ELL: variants seen among roughly 807,000 people sequenced by gnomAD.
ELL encodes elongation factor for RNA polymerase II.
ELL carries 18 observed loss-of-function variants against 64.0 expected under a neutral mutation model. The observed-to-expected ratio is 0.28, with a 90% CI of 0.19 to 0.42. The LOEUF is 0.42. Ranked by LOEUF, ELL falls within the 10% of genes least tolerant of loss-of-function variation. The pLI is 1.00. For missense variants in ELL, 797 were observed against 870.4 expected, an observed-to-expected ratio of 0.92 and a Z score of 1.06; for synonymous variants, 399 against 376.2, an observed-to-expected ratio of 1.06 and a Z score of -0.70.
intron 8 of ELL, among the ~76,000 whole-genome samples, chr19:18,447,594 G>T (rs1442015820): frequency 1.3e-5 from 2 of 152,246 alleles, no homozygotes; most frequent in Non-Finnish European, 2.9e-5. Flanking sequence ...GAGCCATGTG[G>T]TGGGGTGCCC....
At chr19:18,468,564 G>A (rs1404874463) in intron 2 of ELL, among the ~76,000 whole-genome samples, 1 of 152,242 alleles carries the variant, frequency 6.6e-6, no homozygotes, top group Non-Finnish European at 1.5e-5. Context: ...GCCAGCCAGG[G>A]AAGCTGGGGA....
Position 18,501,975 on chromosome 19 carries a change from G to A in ELL, c.135+19946C>T, listed in dbSNP as rs1975787300. Among the ~76,000 whole-genome samples the A allele has an allele frequency of 6.6e-6, 1 of 152,160 alleles. No individual in the cohort carries two copies. Among genetic ancestry groups the A allele is most frequent in the African/African-American group, 2.4e-5 (1 of 41,430 alleles). On this transcript the variant is annotated intron_variant, in intron 1 of 11. Coordinates refer to ENST00000262809, the MANE Select transcript of ELL (RefSeq NM_006532.4). The surrounding 1 kb of genome is among the most constrained non-coding windows in gnomAD (Gnocchi z 4.5). The stretch of plus-strand genomic sequence containing the variant: ...GCAGGTCCTGGGGCCTCATGAGGGT[G>A]GTTTGGGGTCAGAAGACACACGATC...
At chr19:18,477,530 A>C (rs1165099776) in intron 1 of ELL, among the ~76,000 whole-genome samples, 1 of 152,190 alleles carries the variant, frequency 6.6e-6, no homozygotes, top group Non-Finnish European at 1.5e-5. Context: ...CATCATGAGC[A>C]AATCAGCACA....
rs563546343 is a variant in ELL at position 18,454,840 on chromosome 19, CAAAAA to C, written c.870-3197_870-3193del. ...TGGGCAACAGAGTGAGACTCAGTCT[CAAAAA>C]AAAAAAAAAAAAAGGCATCCTGGCT... On this transcript the variant is annotated intron_variant, in intron 6 of 11. Coordinates refer to ENST00000262809, the MANE Select transcript of ELL (RefSeq NM_006532.4). Among the ~76,000 whole-genome samples the C allele has an allele frequency of 1.3e-3, 71 of 56,516 alleles. No individual in the cohort carries two copies. In the East Asian group the frequency reaches 0.031, roughly 24 times the overall value. 37.1% of individuals were successfully genotyped at this position (56,516 alleles called of 152,430 possible).
At chr19:18,480,085 C>T (rs1376993119) in intron 1 of ELL, among the ~76,000 whole-genome samples, 2 of 152,164 alleles carry the variant, frequency 1.3e-5, no homozygotes, top group African/African-American at 4.8e-5. Context: ...GCTGACTCTC[C>T]CAAGCACCAG....
At chr19:18,491,089 G>A (rs998359999) in intron 1 of ELL, among the ~76,000 whole-genome samples, 2 of 151,906 alleles carry the variant, frequency 1.3e-5, no homozygotes, top group African/African-American at 4.8e-5. Context: ...AGACTGTTTT[G>A]TTTTTTCCTT....
rs906541831 is a variant in ELL, at chr19:18,444,475, C to T, written c.*277G>A. 7 of 416,066 alleles carry T rather than the reference C, an allele frequency of 1.7e-5. No homozygotes were observed. Among genetic ancestry groups the T allele is most frequent in the African/African-American group, 8.0e-5 (4 of 49,782 alleles). 25.8% of individuals were successfully genotyped at this position (416,066 alleles called of 1,614,324 possible). On this transcript the variant is annotated 3_prime_UTR_variant, in exon 12 of 12. Transcript: ENST00000262809. Reference sequence around the variant, plus strand: ...CCCCAAGGGCCTAGGAGTCTTCTGGCGAGACAGGAGGCTGAACCCCGGAGG... The same window carrying T: ...CCCCAAGGGCCTAGGAGTCTTCTGGTGAGACAGGAGGCTGAACCCCGGAGG...
At chr19:18,470,026 G>A (rs1975031244) in intron 2 of ELL, among the ~76,000 whole-genome samples, 1 of 152,252 alleles carries the variant, frequency 6.6e-6, no homozygotes, top group South Asian at 2.1e-4. Flanking sequence ...CCACTAAAGT[G>A]AAGCAGCTGG....
At chr19:18,508,457 C>T (rs1975930820) in intron 1 of ELL, among the ~76,000 whole-genome samples, 1 of 152,244 alleles carries the variant, frequency 6.6e-6, no homozygotes, top group Non-Finnish European at 1.5e-5. Flanking sequence ...CCATTATCTT[C>T]TAGATGTCCC....
rs900201916 is a variant in ELL at position 18,449,810 on chromosome 19, A to C, written c.1465+667T>G. Among the ~76,000 whole-genome samples the C allele has an allele frequency of 1.3e-5, 2 of 152,082 alleles. No homozygotes were observed. Among genetic ancestry groups the C allele is most frequent in the East Asian group, 3.9e-4 (2 of 5,178 alleles). ...GCCACTGCTTCTGCTGGTTCCTATA[A>C]ATGAACAGCTGCGCAGGCTCATGGC... is the stretch of plus-strand genomic sequence containing the variant. On this transcript the variant is annotated intron_variant, in intron 8 of 11. Transcript: ENST00000262809. The surrounding 1 kb of genome is among the most constrained non-coding windows in gnomAD (Gnocchi z 4.4).
intron 1 of ELL, among the ~76,000 whole-genome samples, chr19:18,517,696 A>C (rs895517213): frequency 2.6e-5 from 4 of 151,806 alleles, no homozygotes; most frequent in African/African-American, 7.2e-5. Context: ...CCCCATCTCT[A>C]CAAAAAAAAA....
At chr19:18,473,061 A>G in intron 1 of ELL, 179 bp from the exon 2 acceptor site, 1 of 746,276 alleles carries the variant, frequency 1.3e-6, no homozygotes, top group South Asian at 1.7e-5. Context: ...GCAGGGTTTT[A>G]GAAGGATCAG....
intron 3 of ELL, 108 bp downstream of exon 3, chr19:18,465,689 C>T: frequency 6.8e-7 from 1 of 1,473,784 alleles, no homozygotes; most frequent in South Asian, 1.4e-5. Context: ...TCTGTCAACA[C>T]CATCTCAGGC....
chr19:18,514,349 T>C (rs1451588881), intron 1 of ELL, among the ~76,000 whole-genome samples: 2 of 151,204 alleles, frequency 1.3e-5, no homozygotes, highest in African/African-American at 2.4e-5. Context: ...CCATCTCTAC[T>C]AAAAATACAA....
At chr19:18,496,894 C>A (rs527299583) in intron 1 of ELL, among the ~76,000 whole-genome samples, 1 of 152,354 alleles carries the variant, frequency 6.6e-6, no homozygotes, top group African/African-American at 2.4e-5. Flanking sequence ...AAACTCAGAA[C>A]AGACAGCACC....
At chr19:18,464,773 A>T (rs1974901067) in intron 4 of ELL, among the ~76,000 whole-genome samples, 2 of 152,184 alleles carry the variant, frequency 1.3e-5, no homozygotes. Context: ...CTCTGCCTGG[A>T]CTAAGAGGCG....
chr19:18,498,815 T>C (rs1975719338), intron 1 of ELL, among the ~76,000 whole-genome samples: 1 of 152,110 alleles, frequency 6.6e-6, no homozygotes, highest in South Asian at 2.1e-4. Flanking sequence ...CCAGGTGTGG[T>C]GGCAGGCGCC....
At chr19:18,465,603 C>G in intron 3 of ELL, 28 bp from the exon 4 acceptor site, 1 of 1,562,004 alleles carries the variant, frequency 6.4e-7, no homozygotes, top group Non-Finnish European at 8.7e-7. Flanking sequence ...GAGCTGGGGT[C>G]AGCAGCTGGG....
chr19:18,499,277 A>C (rs556966795), intron 1 of ELL, among the ~76,000 whole-genome samples: 1 of 152,306 alleles, frequency 6.6e-6, no homozygotes, highest in African/African-American at 2.4e-5. Flanking sequence ...CAGAAGATTC[A>C]CTTCCAACTT....
Sources: gnomAD v4.1 joint callset for allele counts (sites outside exome capture counted in the v4.1 genomes callset) on GRCh38, gnomAD v4.1.1 for gene constraint, Gnocchi (gnomAD v3.1) non-coding constraint, MANE v1.5 for transcripts, NCBI Gene and HGNC (gene_info 2026-07-23, HGNC 2026-07-21) for gene names.